The following FAH variants were observed in gnomAD, a reference collection of about 807,000 sequenced individuals.
FAH encodes fumarylacetoacetase.
Under a neutral mutation model 55.8 loss-of-function variants are expected in FAH, and 47 were observed. That is an observed-to-expected ratio of 0.84 (90% confidence interval 0.67 to 1.07). FAH has a LOEUF of 1.07. Ranked by LOEUF, FAH falls within the 50% of genes least tolerant of loss-of-function variation. The pLI is 0.00. For synonymous variants in FAH, 199 were observed against 207.7 expected (o/e 0.96, Z 0.36); for missense variants, 495 against 545.9 (o/e 0.91, Z 0.93).
chr15:80,183,929 A>T (rs1267135944), intron 13 of FAH, among the ~76,000 whole-genome samples: 1 of 152,224 alleles, frequency 6.6e-6, no homozygotes, highest in Non-Finnish European at 1.5e-5. Context: ...CTGTGCTCTG[A>T]ACCCTTGTGT....
chr15:80,176,139 C>G (rs575123973), intron 10 of FAH, among the ~76,000 whole-genome samples: 1 of 152,260 alleles, frequency 6.6e-6, no homozygotes, highest in South Asian at 2.1e-4. Context: ...GCCTCAGCCT[C>G]CTGTGTAGCT....
At position 80,158,135 on chromosome 15, in the gene FAH, C is replaced by T; in HGVS notation, c.157C>T (p.Pro53Ser). ...CATCATCAAGCACCTCTTTACTGGTCCTGTCCTCTCCAAACACCAGGATGT... is the reference window on the plus strand; with the variant it reads ...CATCATCAAGCACCTCTTTACTGGTTCTGTCCTCTCCAAACACCAGGATGT... ...LSIIKHLFTG[P>S]VLSKHQDVFN... The change falls in exon 2 of 14, where the codon CCT becomes TCT. Residue 53 changes from proline (P) to serine (S), a missense_variant. Transcript: ENST00000561421. 6.2e-7 allele frequency: 1 copy of T among 1,614,044 alleles called. No individual in the cohort carries two copies. The highest frequency in any genetic ancestry group is 8.5e-7 in the Non-Finnish European group (1 of 1,179,868).
rs753555433 is a variant in FAH, at chr15:80,158,089, C to T, written c.111C>T (p.Gly37=). The change falls in exon 2 of 14, where the codon GGC becomes GGT. Residue 37 remains glycine (G), a synonymous_variant. Coordinates refer to ENST00000561421, the MANE Select transcript of FAH (RefSeq NM_000137.4). The part of the protein sequence containing the change: ...DPRPRIGVAI[G]DQILDLSIIK... ...GACCGAGGATAGGTGTGGCCATTGG[C>T]GACCAGATCCTGGACCTCAGCATCA... The T allele has an allele frequency of 5.3e-5, 85 of 1,613,948 alleles. No homozygotes were observed. Among genetic ancestry groups the T allele is most frequent in the Non-Finnish European group, 6.7e-5 (79 of 1,179,950 alleles).
Position 80,172,190 on chromosome 15 carries a change from C to G in FAH, c.648C>G (p.Ile216Met), listed in dbSNP as rs147016995. ...VGPGNRLGEPIPISKAHEHIF... is the reference protein window; with the variant it reads ...VGPGNRLGEPMPISKAHEHIF... Reference sequence around the variant, plus strand: ...CTGGAAACAGATTGGGAGAGCCGATCCCCATTTCCAAGGCCCATGAGCACA... The same window carrying G: ...CTGGAAACAGATTGGGAGAGCCGATGCCCATTTCCAAGGCCCATGAGCACA... Residue 216 changes from isoleucine to methionine, a missense_variant, in exon 8 of 14, where the codon ATC (isoleucine) becomes ATG (methionine). Ile to Met is a conservative substitution (Grantham distance 10, BLOSUM62 1). Coordinates refer to ENST00000561421, the MANE Select transcript of FAH (RefSeq NM_000137.4). The G allele has an allele frequency of 8.5e-5, 138 of 1,614,106 alleles. 2 individuals are homozygous for G. In the South Asian group the frequency reaches 1.4e-3, roughly 16 times the overall value.
At chr15:80,162,588 T>G (rs1240969114) in intron 5 of FAH, 2 of 551,814 alleles carry the variant, frequency 3.6e-6, no homozygotes, top group African/African-American at 3.8e-5. Flanking sequence ...TTAGATTCCC[T>G]TAATCCCTAT....
At chr15:80,158,348 T>C (rs73482868) in intron 2 of FAH, among the ~76,000 whole-genome samples, 178 bp downstream of exon 2, 165 of 152,326 alleles carry the variant, frequency 1.1e-3, no homozygotes, top group African/African-American at 3.0e-3. Flanking sequence ...GAGGTGGCCT[T>C]GGGACAATTC....
upstream of FAH, chr15:80,152,900 A>G (rs1452499902): frequency 9.6e-6 from 6 of 625,884 alleles, no homozygotes; most frequent in African/African-American, 8.6e-5. Flanking sequence ...TGAGACCAAA[A>G]GTCAGGTAGG....
At chr15:80,183,704 C>T (rs2041348561) in intron 13 of FAH, among the ~76,000 whole-genome samples, 1 of 152,250 alleles carries the variant, frequency 6.6e-6, no homozygotes, top group African/African-American at 2.4e-5. Flanking sequence ...GAAGTGCTGG[C>T]ATCAGCCAAC....
chr15:80,171,064 ATTTATTT>A (rs971353152), intron 7 of FAH, among the ~76,000 whole-genome samples: 5 of 151,698 alleles, frequency 3.3e-5, no homozygotes, highest in Admixed American at 1.3e-4. Flanking sequence ...CATTAAAAAA[ATTTATTT>A]TTTATTTTTT....
At chr15:80,181,726 C>T (rs2041332688) in intron 13 of FAH, among the ~76,000 whole-genome samples, 2 of 152,112 alleles carry the variant, frequency 1.3e-5, no homozygotes, top group African/African-American at 4.8e-5. Flanking sequence ...CTTTCTGAGA[C>T]TCAGTTTACC....
At chr15:80,173,327 A>T (rs1245671733) in intron 9 of FAH, 183 bp downstream of exon 9, 3 of 760,752 alleles carry the variant, frequency 3.9e-6, no homozygotes, top group Non-Finnish European at 6.8e-6. Flanking sequence ...CCAGGGCATC[A>T]TTCTCCCTTG....
chr15:80,152,802 G>C, upstream of FAH: 1 of 470,500 alleles, frequency 2.1e-6, no homozygotes, highest in East Asian at 4.2e-5. Context: ...CTGGAAGGGC[G>C]GGCGAGACTG....
intron 4 of FAH, 107 bp from the exon 5 acceptor site, chr15:80,162,139 G>A: frequency 2.4e-6 from 2 of 840,386 alleles, no homozygotes; most frequent in Non-Finnish European, 2.1e-6. Flanking sequence ...AGCTCTGGAT[G>A]TGTAAACAGT....
chr15:80,175,920 T>C (rs1310257857), intron 10 of FAH, among the ~76,000 whole-genome samples: 1 of 152,206 alleles, frequency 6.6e-6, no homozygotes, highest in East Asian at 1.9e-4. Context: ...GGCCCTCGGA[T>C]GGGGAGGGTT....
chr15:80,166,829 G>C (rs754113175), intron 5 of FAH: 1 of 151,506 alleles, frequency 6.6e-6, no homozygotes, highest in Non-Finnish European at 1.5e-5. Context: ...GTAGAGACAG[G>C]GTTTCACCTG....
At chr15:80,181,619 C>A (rs532431253) in intron 13 of FAH, among the ~76,000 whole-genome samples, 1 of 152,004 alleles carries the variant, frequency 6.6e-6, no homozygotes, top group Non-Finnish European at 1.5e-5. Flanking sequence ...GGAAAGGGCA[C>A]CATAATGGTT....
chr15:80,186,268 G>A lies in FAH; in HGVS notation c.*59G>A. On this transcript the variant is annotated 3_prime_UTR_variant, in exon 14 of 14. Transcript: ENST00000561421. ...AAGCACCCCTTTCAACCCTGTGACT[G>A]GGGTCCTCCCTCGGGCTGTAGGCCT... 1.4e-6 allele frequency: 2 copies of A among 1,411,700 alleles called. No homozygotes were observed. Among genetic ancestry groups the A allele is most frequent in the South Asian group, 1.1e-5 (1 of 86,982 alleles). 87.4% of individuals were successfully genotyped at this position (1,411,700 alleles called of 1,614,324 possible).
At chr15:80,177,774 G>C (rs1246027102) in intron 11 of FAH, among the ~76,000 whole-genome samples, 191 bp downstream of exon 11, 1 of 152,178 alleles carries the variant, frequency 6.6e-6, no homozygotes, top group Non-Finnish European at 1.5e-5. Context: ...GATAGAGGCT[G>C]CATAAATGTG....
rs141863249 is a variant in FAH, at chr15:80,162,322, G to T, written c.441G>T (p.Ala147=). 1.3e-5 allele frequency: 21 copies of T among 1,613,932 alleles called. No homozygotes were observed. Among genetic ancestry groups the T allele is most frequent in the Non-Finnish European group, 1.8e-5 (21 of 1,179,752 alleles). Residue 147 remains alanine (A), a synonymous_variant, in exon 5 of 14, where the codon GCG becomes GCT. Transcript: ENST00000561421. ...VGIMFRDKEN[A]LMPNWLHLPV... Reference sequence around the variant, plus strand: ...TCATGTTCAGGGACAAGGAGAATGCGTTGATGCCAAATTGGTATGAACTGG... The same window carrying T: ...TCATGTTCAGGGACAAGGAGAATGCTTTGATGCCAAATTGGTATGAACTGG...
Sources: gnomAD v4.1 joint callset for allele counts (sites outside exome capture counted in the v4.1 genomes callset) on GRCh38, gnomAD v4.1.1 for gene constraint, MANE v1.5 for transcripts, NCBI Gene and HGNC (gene_info 2026-07-23, HGNC 2026-07-21) for gene names.